Variants in SMARCA2 observed in about 807,000 individuals in gnomAD.
SMARCA2 encodes SWI/SNF related BAF chromatin remodeling complex subunit ATPase 2.
A neutral mutation model predicts 199.8 loss-of-function variants in SMARCA2; 61 were observed. The observed-to-expected ratio is 0.31, with a 90% CI of 0.25 to 0.38. The LOEUF (loss-of-function observed/expected upper bound fraction) is 0.38, where lower values mean the gene tolerates loss of function less well. Ranked by LOEUF, SMARCA2 falls within the 10% of genes least tolerant of loss-of-function variation. The pLI is 1.00. For missense variants in SMARCA2, 1,344 were observed against 2,012.2 expected, an observed-to-expected ratio of 0.67 and a Z score of 6.35; for synonymous variants, 935 against 732.0, an observed-to-expected ratio of 1.28 and a Z score of -4.48.
rs774759394 is a variant in SMARCA2 at position 2,192,762 on chromosome 9, G to A, written c.*23G>A. The A allele has an allele frequency of 4.7e-5, 74 of 1,581,690 alleles. No individual in the cohort carries two copies. The highest frequency in any genetic ancestry group is 6.4e-5 in the Non-Finnish European group (74 of 1,150,802). On this transcript the variant is annotated 3_prime_UTR_variant, in exon 34 of 34. Transcript: ENST00000349721. ...TGATCAGTATGGACCTTTTTCCTTGGTAGAACTGAATTCCTTCCTCCCCTG... is the reference window on the plus strand; with the variant it reads ...TGATCAGTATGGACCTTTTTCCTTGATAGAACTGAATTCCTTCCTCCCCTG...
chr9:2,150,061 AGTACATGCGTCT>A (rs1196200192), intron 27 of SMARCA2, among the ~76,000 whole-genome samples: 7 of 151,512 alleles, frequency 4.6e-5, no homozygotes, highest in African/African-American at 1.7e-4. Context: ...CATGTATGTG[AGTACATGCGTCT>A]GTATCTATTG....
intron 27 of SMARCA2, among the ~76,000 whole-genome samples, chr9:2,143,416 A>G (rs910835921): frequency 2.0e-5 from 3 of 152,178 alleles, no homozygotes; most frequent in African/African-American, 2.4e-5. Context: ...GAAATGAGAG[A>G]ATGAATGATG....
At chr9:2,132,974 T>C (rs1162502120) in intron 27 of SMARCA2, among the ~76,000 whole-genome samples, 1 of 152,196 alleles carries the variant, frequency 6.6e-6, no homozygotes, top group Non-Finnish European at 1.5e-5. Flanking sequence ...GACGGAAATA[T>C]ACTAAAATAA....
intron 27 of SMARCA2, chr9:2,159,928 T>G (rs1194423275): frequency 9.4e-6 from 15 of 1,601,802 alleles, no homozygotes; most frequent in Non-Finnish European, 1.3e-5. Flanking sequence ...CCTTTTTCGT[T>G]GCCGTCTTGA....
At position 2,047,253 on chromosome 9, in the gene SMARCA2, C is replaced by T. The variant is rs1819896620; in HGVS notation, c.815C>T (p.Pro272Leu). ...PSGPGPELSG[P>L]STPQKLPVPA... ...GGCCCGGGGCCGGAGCTGAGCGGCC[C>T]GAGCACCCCGCAGAAGCTGCCGGTG... The change falls in exon 5 of 34, where the codon CCG becomes CTG. Residue 272 changes from proline to leucine, a missense_variant. Pro to Leu is a moderately conservative substitution (Grantham distance 98). This residue lies in a region of SMARCA2 where 117 missense variants were observed against 99.1 expected (regional missense o/e 1.18). Transcript: ENST00000349721. 4 of 1,008,376 alleles carry T rather than the reference C, an allele frequency of 4.0e-6. No individual in the cohort carries two copies. The highest frequency in any genetic ancestry group is 3.5e-6 in the Non-Finnish European group (3 of 845,676). 62.5% of individuals were successfully genotyped at this position (1,008,376 alleles called of 1,614,324 possible).
chr9:2,082,619 C>G (rs1266213328), intron 15 of SMARCA2, among the ~76,000 whole-genome samples: 1 of 152,200 alleles, frequency 6.6e-6, no homozygotes, highest in East Asian at 1.9e-4. Flanking sequence ...CAGTGATTCA[C>G]AAGCACCCTC....
Position 2,170,619 on chromosome 9 carries a change from A to G in SMARCA2, c.4253+147A>G, listed in dbSNP as rs2129728401. On this transcript the variant is annotated intron_variant, in intron 29 of 33. Coordinates refer to ENST00000349721, the MANE Select transcript of SMARCA2 (RefSeq NM_003070.5). This position sits in a 1 kb window ranked among gnomAD's most constrained non-coding sequence, Gnocchi z 4.7. ...TACTTGGAGAGCGGGATAGAGGCAC[A>G]GATACTCTTAAACAGCTGTCATGGC... 4 of 1,326,104 alleles carry G rather than the reference A, an allele frequency of 3.0e-6. No homozygotes were observed. The South Asian group carries it at 5.5e-5, about 18-fold the overall frequency. The allele number at this position is 1,326,104 out of a possible 1,614,324, so 82.1% of individuals were successfully genotyped here.
At chr9:2,034,180 G>A (rs550898615) in intron 3 of SMARCA2, among the ~76,000 whole-genome samples, 1 of 149,014 alleles carries the variant, frequency 6.7e-6, no homozygotes, top group South Asian at 2.1e-4. Flanking sequence ...GGGGGCAGAG[G>A]TTGCAGTGAG....
At chr9:2,088,642 T>A (rs971137784) in intron 19 of SMARCA2, 29 bp downstream of exon 19, 1 of 1,503,672 alleles carries the variant, frequency 6.7e-7, no homozygotes, top group African/African-American at 1.4e-5. Context: ...AGTTGTGGGT[T>A]TTTTTTTTCC....
In SMARCA2 at chr9:2,029,072, C is replaced by T. The variant is rs543241889; in HGVS notation, c.50C>T (p.Pro17Leu). Residue 17 changes from proline to leucine, a missense_variant, in exon 2 of 34, where the codon CCG becomes CTG. Around this residue, in one of 18 missense-constraint regions of SMARCA2, gnomAD observed 275 missense variants for 247.5 expected, o/e 1.11. Transcript: ENST00000349721. The stretch of plus-strand genomic sequence containing the variant: ...GCGATGCCCCACCCAGGGCCTTCGC[C>T]GGGGCCTGGGCCTTCCCCTGGGCCA... ...PGAMPHPGPS[P>L]GPGPSPGPIL... 30 of 1,567,482 alleles carry T rather than the reference C, an allele frequency of 1.9e-5. No homozygotes were observed. Among genetic ancestry groups the T allele is most frequent in the African/African-American group, 6.8e-5 (5 of 73,708 alleles).
intron 27 of SMARCA2, among the ~76,000 whole-genome samples, chr9:2,142,542 C>T (rs1301999443): frequency 2.0e-5 from 3 of 152,030 alleles, no homozygotes; most frequent in African/African-American, 7.2e-5. Context: ...TTGGTTTGGC[C>T]TGTTGAGTCT....
intron 29 of SMARCA2, among the ~76,000 whole-genome samples, chr9:2,178,588 A>G (rs1409004088): frequency 6.6e-6 from 1 of 152,132 alleles, no homozygotes; most frequent in Admixed American, 6.5e-5. Context: ...GGCCGGGGGC[A>G]GGGTGGTGCA....
At chr9:2,096,979 A>G in intron 20 of SMARCA2, 1 of 554,836 alleles carries the variant, frequency 1.8e-6, no homozygotes, top group Non-Finnish European at 3.2e-6. Flanking sequence ...TATTACCAAA[A>G]TAGTTAGCTC....
intron 21 of SMARCA2, among the ~76,000 whole-genome samples, chr9:2,100,023 A>G (rs568691571): frequency 1.3e-5 from 2 of 152,286 alleles, no homozygotes; most frequent in Admixed American, 1.3e-4. Context: ...ACCGTAGATC[A>G]TGAGCATATT....
At position 2,069,713 on chromosome 9, in the gene SMARCA2, A is replaced by G. The variant is rs531142329; in HGVS notation, c.1693-705A>G. 1.8e-4 allele frequency among the ~76,000 whole-genome samples: 28 copies of G among 152,292 alleles called. No homozygotes were observed. In the East Asian group the frequency reaches 5.2e-3, roughly 28 times the overall value. ...ATCCAGGGAACTCATAAAGTTTTAT[A>G]TTATGTTTTTATGCCCATGGAGTGG... is the stretch of plus-strand genomic sequence containing the variant. On this transcript the variant is annotated intron_variant, in intron 9 of 33. Transcript: ENST00000349721.
Position 2,096,666 on chromosome 9 carries a change from G to A in SMARCA2, c.2893G>A (p.Val965Met), listed in dbSNP as rs1563765655. 6.2e-7 allele frequency: 1 copy of A among 1,611,928 alleles called. No homozygotes were observed. The highest frequency in any genetic ancestry group is 8.5e-7 in the Non-Finnish European group (1 of 1,177,986). ...GTTCTCTTTTCTGCAGGTGGAATAT[G>A]TGATCAAGTGTGACATGTCAGCTCT... is the stretch of plus-strand genomic sequence containing the variant. ...ESQLPEKVEY[V>M]IKCDMSALQK... Residue 965 changes from valine to methionine, a missense_variant, in exon 20 of 34, where the codon GTG becomes ATG. By Grantham distance (21) the Val-to-Met change is conservative. This residue lies in a region of SMARCA2 where 98 missense variants were observed against 245.6 expected (regional missense o/e 0.40). Transcript: ENST00000349721.
At chr9:2,185,966 G>T in intron 31 of SMARCA2, 130 bp from the exon 32 acceptor site, 1 of 856,680 alleles carries the variant, frequency 1.2e-6, no homozygotes, top group Non-Finnish European at 1.8e-6. Flanking sequence ...GTTTTCATGT[G>T]GGCATAAAAG....
In SMARCA2 at chr9:2,164,748, C is replaced by G. The variant is rs573184321; in HGVS notation, c.4199+2845C>G. Among the ~76,000 whole-genome samples, 4 of 152,294 alleles carry G rather than the reference C, an allele frequency of 2.6e-5. No homozygotes were observed. The South Asian group carries it at 8.3e-4, about 32-fold the overall frequency. ...AAGGGTATTTGAATATTTCAGCATG[C>G]AGATATTGAGTAGCTTTTTCTTTTT... On this transcript the variant is annotated intron_variant, in intron 28 of 33. Coordinates refer to ENST00000349721, the MANE Select transcript of SMARCA2 (RefSeq NM_003070.5).
chr9:2,028,534 G>C (rs1818928088), intron 1 of SMARCA2, among the ~76,000 whole-genome samples: 1 of 152,018 alleles, frequency 6.6e-6, no homozygotes, highest in Non-Finnish European at 1.5e-5. Flanking sequence ...TTGAAGTTTT[G>C]AATGCCCACT....
Sources: allele counts gnomAD v4.1 joint callset (sites outside exome capture counted in the v4.1 genomes callset), GRCh38; gene constraint gnomAD v4.1.1; regional missense constraint gnomAD v4.1.1; non-coding constraint Gnocchi (gnomAD v3.1); transcripts MANE v1.5; gene names NCBI Gene and HGNC (gene_info 2026-07-23, HGNC 2026-07-21).